Variants in FEZ1 observed in about 807,000 individuals in gnomAD.
FEZ1 encodes the protein fasciculation and elongation protein zeta 1.
A neutral mutation model predicts 49.3 loss-of-function variants in FEZ1; 20 were observed. That is an observed-to-expected ratio of 0.41 (90% CI 0.29 to 0.59). The LOEUF (loss-of-function observed/expected upper bound fraction) is 0.59. FEZ1 is among the 20% of genes least tolerant of loss of function. The pLI, the probability that FEZ1 is intolerant of heterozygous loss-of-function variation, is 0.36. For missense variants in FEZ1, 413 were observed against 476.0 expected (o/e 0.87, Z 1.23); for synonymous variants, 170 against 180.9 (o/e 0.94, Z 0.48).
intron 7 of FEZ1, 98 bp from the exon 8 acceptor site, chr11:125,452,507 CCTT>C (rs1956967197): frequency 8.0e-6 from 6 of 748,784 alleles, no homozygotes; most frequent in South Asian, 1.6e-5. Context: ...GCAAATCTGA[CCTT>C]CTCTGAAACA....
rs1222694018 is a variant in FEZ1 at position 125,495,532 on chromosome 11, C to T, written c.-46+589G>A. The T allele has an allele frequency of 6.4e-6, 3 of 470,996 alleles. No homozygotes were observed. Among genetic ancestry groups the T allele is most frequent in the South Asian group, 3.1e-5 (2 of 64,576 alleles). The allele number at this position is 470,996 out of a possible 1,614,324, so 29.2% of individuals were successfully genotyped here. On this transcript the variant is annotated intron_variant, in intron 1 of 9. Coordinates refer to ENST00000278919, the MANE Select transcript of FEZ1 (RefSeq NM_005103.5). The surrounding 1 kb of genome is among the most constrained non-coding windows in gnomAD (Gnocchi z 4.2). Reference sequence around the variant, plus strand: ...CAATCGCTCTCCCGGCGTCTGCGGCCGCTGCCAGCGGTTCTGACACTGCAG... The same window carrying T: ...CAATCGCTCTCCCGGCGTCTGCGGCTGCTGCCAGCGGTTCTGACACTGCAG...
chr11:125,460,757 T>G, intron 4 of FEZ1, 91 bp from the exon 5 acceptor site: 1 of 1,084,400 alleles, frequency 9.2e-7, no homozygotes, highest in Non-Finnish European at 1.3e-6. Flanking sequence ...TGTTCCTAAT[T>G]AGCTATCTGA....
chr11:125,481,378 G>A (rs992029172), intron 3 of FEZ1, among the ~76,000 whole-genome samples, 156 bp downstream of exon 3: 7 of 152,098 alleles, frequency 4.6e-5, no homozygotes, highest in Non-Finnish European at 1.0e-4. Context: ...TTAAATTACT[G>A]AACTCAAGCA....
intron 3 of FEZ1, among the ~76,000 whole-genome samples, chr11:125,481,165 G>A (rs189489521): frequency 2.2e-3 from 332 of 151,978 alleles, no homozygotes; most frequent in Non-Finnish European, 3.9e-3. Flanking sequence ...AGATATACTG[G>A]ATGTCTTCCT....
At chr11:125,491,964 A>T (rs1957387118) in intron 1 of FEZ1, among the ~76,000 whole-genome samples, 1 of 152,222 alleles carries the variant, frequency 6.6e-6, no homozygotes, top group Non-Finnish European at 1.5e-5. Context: ...TGTTATAAGG[A>T]AGGTGTTGGT....
intron 6 of FEZ1, among the ~76,000 whole-genome samples, chr11:125,454,532 T>C (rs1388036244): frequency 6.6e-6 from 1 of 152,150 alleles, no homozygotes; most frequent in African/African-American, 2.4e-5. Context: ...TGAACCATGA[T>C]GCAAAGATCT....
chr11:125,486,411 A>T (rs1957327234), intron 2 of FEZ1, among the ~76,000 whole-genome samples: 1 of 152,154 alleles, frequency 6.6e-6, no homozygotes, highest in Non-Finnish European at 1.5e-5. Flanking sequence ...CAAAGAAGAG[A>T]TTCTGGGATA....
At chr11:125,464,738 A>G (rs909790251) in intron 3 of FEZ1, among the ~76,000 whole-genome samples, 26 of 147,664 alleles carry the variant, frequency 1.8e-4, no homozygotes, top group African/African-American at 6.5e-4. Context: ...GAAAAAAAAA[A>G]TTAAGCAAAT....
Position 125,446,125 on chromosome 11 carries a change from A to T in FEZ1, c.1163-14T>A. On this transcript the variant is annotated splice_polypyrimidine_tract_variant and intron_variant, in intron 9 of 9. Transcript: ENST00000278919. ...TAGGGCAGAGCACTGCAACGAGAAG[A>T]GAGGAGGGGAGAGCGGTCAGAACAC... 1 of 1,613,854 alleles carries T rather than the reference A, an allele frequency of 6.2e-7. No individual in the cohort carries two copies.
chr11:125,461,287 A>C (rs1957071968), intron 4 of FEZ1, among the ~76,000 whole-genome samples: 2 of 152,178 alleles, frequency 1.3e-5, no homozygotes, highest in Non-Finnish European at 2.9e-5. Context: ...GTGGAGGGAA[A>C]ATTAGATATC....
chr11:125,459,465 G>A (rs1957052075), intron 5 of FEZ1, among the ~76,000 whole-genome samples: 1 of 152,070 alleles, frequency 6.6e-6, no homozygotes, highest in East Asian at 1.9e-4. Flanking sequence ...GGTGATGCAT[G>A]CCTGTAATCC....
chr11:125,469,598 C>G (rs1957165876), intron 3 of FEZ1, among the ~76,000 whole-genome samples: 1 of 152,062 alleles, frequency 6.6e-6, no homozygotes, highest in Non-Finnish European at 1.5e-5. Flanking sequence ...GGGGCTTGCT[C>G]TGTTGCCCAG....
rs540042754 is a variant in FEZ1, at chr11:125,469,404, G to A, written c.412-5834C>T. On this transcript the variant is annotated intron_variant, in intron 3 of 9. Transcript: ENST00000278919. ...CTCCTGAGTAGTTGGGACTACTGGC[G>A]CATGCCACCATGCCCAACTAACTTT... 7.2e-4 allele frequency among the ~76,000 whole-genome samples: 109 copies of A among 152,270 alleles called. 2 individuals carry two copies. In the South Asian group the frequency reaches 8.9e-3, roughly 12 times the overall value.
chr11:125,490,014 AT>A (rs1464181585), intron 1 of FEZ1, among the ~76,000 whole-genome samples, 192 bp from the exon 2 acceptor site: 1 of 152,174 alleles, frequency 6.6e-6, no homozygotes, highest in Admixed American at 6.6e-5. Context: ...TGGGCAAGTG[AT>A]TAATTGCTCT....
chr11:125,493,484 AAGAAGGAAAGAAAGAAAGAAAGAG>A (rs1565307234), intron 1 of FEZ1, among the ~76,000 whole-genome samples: 29 of 82,170 alleles, frequency 3.5e-4, no homozygotes, highest in African/African-American at 6.9e-4. Flanking sequence ...GAAAGAAGGA[AAGAAGGAAAGAAAGAAAGAAAGAG>A]AGAAAGAAAG....
intron 2 of FEZ1, chr11:125,488,671 C>G: frequency 1.1e-4 from 105 of 941,592 alleles, no homozygotes; most frequent in Middle Eastern, 5.5e-4. Flanking sequence ...TAGAATGAAA[C>G]TTCATCTCAA....
At chr11:125,452,291 G>A (rs1376897148) in intron 8 of FEZ1, 43 bp downstream of exon 8, 1 of 1,366,712 alleles carries the variant, frequency 7.3e-7, no homozygotes, top group Non-Finnish European at 1.0e-6. Context: ...CAGGAAGGGA[G>A]AAAAAGGAGC....
chr11:125,489,017 A>G lies in FEZ1; in HGVS notation c.311+450T>C. On this transcript the variant is annotated intron_variant, in intron 2 of 9. Transcript: ENST00000278919. This position sits in a 1 kb window ranked among gnomAD's most constrained non-coding sequence, Gnocchi z 4.2. Reference sequence around the variant, plus strand: ...TGGACATATCCTAACATCTGTAGATAACTCTCCAGGCCTGAGGGGCTGTCA... The same window carrying G: ...TGGACATATCCTAACATCTGTAGATGACTCTCCAGGCCTGAGGGGCTGTCA... 1 of 986,152 alleles carries G rather than the reference A, an allele frequency of 1.0e-6. No individual in the cohort carries two copies. The highest frequency in any genetic ancestry group is 5.2e-4 in the Middle Eastern group (1 of 1,914). The allele number at this position is 986,152 out of a possible 1,614,324, so 61.1% of individuals were successfully genotyped here. A position where few individuals can be genotyped will look rare whatever the true frequency, so the allele number is the denominator to read the frequency against.
intron 3 of FEZ1, among the ~76,000 whole-genome samples, chr11:125,473,007 T>C (rs1230815903): frequency 6.6e-6 from 1 of 152,038 alleles, no homozygotes. Context: ...CCAAGATTTA[T>C]ATGGAAATGT....
Sources: allele counts gnomAD v4.1 joint callset (sites outside exome capture counted in the v4.1 genomes callset), GRCh38; gene constraint gnomAD v4.1.1; non-coding constraint Gnocchi (gnomAD v3.1); transcripts MANE v1.5; gene names NCBI Gene and HGNC (gene_info 2026-07-23, HGNC 2026-07-21).